The following PALM2AKAP2 variants were observed in gnomAD, a reference collection of about 807,000 sequenced individuals.
PALM2AKAP2 encodes the protein PALM2 and AKAP2 fusion.
A neutral mutation model predicts 71.5 loss-of-function variants in PALM2AKAP2; 37 were observed. That is an observed-to-expected ratio of 0.52 (90% CI 0.40 to 0.68). PALM2AKAP2 has a LOEUF of 0.68. Among genes scored for constraint, PALM2AKAP2 ranks in the 30% least tolerant of loss-of-function variants. The pLI, the probability that PALM2AKAP2 is intolerant of heterozygous loss-of-function variation, is 0.00. For missense variants in PALM2AKAP2, 1,224 were observed against 1,191.8 expected (o/e 1.03, Z -0.40); for synonymous variants, 468 against 478.8 (o/e 0.98, Z 0.29).
intron 7 of PALM2AKAP2, among the ~76,000 whole-genome samples, chr9:110,035,334 AT>A (rs1346679231): frequency 9.0e-5 from 13 of 144,952 alleles, no homozygotes; most frequent in Non-Finnish European, 1.6e-4. Context: ...TATATGTATA[AT>A]ACATATTATA....
At chr9:109,909,643 T>C (rs546529845) in intron 3 of PALM2AKAP2, among the ~76,000 whole-genome samples, 18 of 152,202 alleles carry the variant, frequency 1.2e-4, no homozygotes, top group Admixed American at 1.0e-3. Context: ...TGGGATAAAG[T>C]TGGTGGTAGA....
intron 1 of PALM2AKAP2, among the ~76,000 whole-genome samples, chr9:110,079,934 G>A (rs912750708): frequency 2.0e-5 from 3 of 151,984 alleles, no homozygotes; most frequent in Non-Finnish European, 4.4e-5. Context: ...GCTGGGCGTG[G>A]TGGCAGGATC....
At chr9:110,028,109 G>T (rs745417109) in intron 7 of PALM2AKAP2, among the ~76,000 whole-genome samples, 1 of 151,988 alleles carries the variant, frequency 6.6e-6, no homozygotes, top group Non-Finnish European at 1.5e-5. Flanking sequence ...GTACTATATG[G>T]GTCAGTTTTT....
chr9:109,974,462 A>C (rs66535625), intron 6 of PALM2AKAP2, among the ~76,000 whole-genome samples: 34,959 of 151,490 alleles, frequency 0.23, 4,941 homozygotes, highest in East Asian at 0.7. Context: ...GAAAAAAAAA[A>C]CCCAAAGACC....
chr9:109,957,799 C>G (rs1831776827), intron 6 of PALM2AKAP2, among the ~76,000 whole-genome samples: 1 of 152,164 alleles, frequency 6.6e-6, no homozygotes, highest in Admixed American at 6.5e-5. Context: ...TAGGGTGAAG[C>G]CTGGCACATT....
intron 1 of PALM2AKAP2, among the ~76,000 whole-genome samples, chr9:109,774,807 C>A (rs144477289): frequency 1.1e-3 from 166 of 152,278 alleles, no homozygotes; most frequent in African/African-American, 3.8e-3. Flanking sequence ...CAATCACAAG[C>A]CTTTTACATC....
At chr9:109,643,167 A>G (rs1827097531) in intron 1 of PALM2AKAP2, among the ~76,000 whole-genome samples, 1 of 152,228 alleles carries the variant, frequency 6.6e-6, no homozygotes, top group Admixed American at 6.5e-5. Flanking sequence ...TGAGAGTAAC[A>G]TAATTCCCAA....
At chr9:110,019,259 A>AG (rs1191163319) in intron 7 of PALM2AKAP2, among the ~76,000 whole-genome samples, 1 of 150,788 alleles carries the variant, frequency 6.6e-6, no homozygotes, top group Non-Finnish European at 1.5e-5. Flanking sequence ...AAAAAAAAAA[A>AG]AGAGAGATAC....
At chr9:109,863,739 C>A (rs1829373351) in intron 1 of PALM2AKAP2, among the ~76,000 whole-genome samples, 1 of 150,024 alleles carries the variant, frequency 6.7e-6, no homozygotes, top group African/African-American at 2.4e-5. Context: ...ATATCTAATT[C>A]TGAGCGTAGG....
chr9:109,929,786 C>G (rs1831049506), intron 5 of PALM2AKAP2, among the ~76,000 whole-genome samples: 2 of 148,430 alleles, frequency 1.3e-5, no homozygotes, highest in Non-Finnish European at 3.0e-5. Context: ...ATGGCGTGAA[C>G]CTGGGAGGCA....
intron 6 of PALM2AKAP2, chr9:109,942,975 C>T: frequency 6.2e-7 from 1 of 1,614,118 alleles, no homozygotes; most frequent in Non-Finnish European, 8.5e-7. Flanking sequence ...GGAGCCTCAG[C>T]CATCCCAAGG....
At chr9:109,930,085 T>C (rs1327862358) in intron 5 of PALM2AKAP2, among the ~76,000 whole-genome samples, 1 of 152,026 alleles carries the variant, frequency 6.6e-6, no homozygotes, top group East Asian at 1.9e-4. Flanking sequence ...CCTTCAACCA[T>C]GTCTGCCTTA....
chr9:110,009,953 C>T (rs534093971), intron 6 of PALM2AKAP2, among the ~76,000 whole-genome samples: 1 of 152,302 alleles, frequency 6.6e-6, no homozygotes, highest in East Asian at 1.9e-4. Context: ...TGTAAGTCAA[C>T]AGAGCACGCC....
At chr9:109,996,596 G>C (rs116787245) in intron 6 of PALM2AKAP2, among the ~76,000 whole-genome samples, 1 of 152,218 alleles carries the variant, frequency 6.6e-6, no homozygotes, top group African/African-American at 2.4e-5. Context: ...TTCATATACA[G>C]AAGGATGTTT....
chr9:109,707,261 A>G (rs1828158920), intron 1 of PALM2AKAP2, among the ~76,000 whole-genome samples: 1 of 151,786 alleles, frequency 6.6e-6, no homozygotes, highest in Non-Finnish European at 1.5e-5. Flanking sequence ...CCAAGTTTAG[A>G]GAACTGCCCC....
chr9:109,652,528 T>C (rs549966450), intron 1 of PALM2AKAP2, among the ~76,000 whole-genome samples: 54 of 152,318 alleles, frequency 3.5e-4, no homozygotes, highest in African/African-American at 1.3e-3. Flanking sequence ...CTGTTTTCCT[T>C]ATAAATTACC....
chr9:110,162,895 G>A (rs2119260428), intron 3 of PALM2AKAP2, among the ~76,000 whole-genome samples: 3 of 151,860 alleles, frequency 2.0e-5, no homozygotes, highest in Middle Eastern at 6.8e-3. Flanking sequence ...TTTTTTTGTA[G>A]GGACGGGGGT....
At chr9:110,127,415 G>A (rs1835632643) in intron 1 of PALM2AKAP2, among the ~76,000 whole-genome samples, 1 of 152,128 alleles carries the variant, frequency 6.6e-6, no homozygotes, top group Non-Finnish European at 1.5e-5. Flanking sequence ...TTTAGGGAGT[G>A]GCTTAGTTCC....
At chr9:109,758,954 T>C (rs1463069317) in intron 1 of PALM2AKAP2, among the ~76,000 whole-genome samples, 1 of 152,218 alleles carries the variant, frequency 6.6e-6, no homozygotes, top group East Asian at 1.9e-4. Flanking sequence ...TGTTTAAGCA[T>C]CTTTTCTTGT....
Sources: gnomAD v4.1 joint callset for allele counts (sites outside exome capture counted in the v4.1 genomes callset) on GRCh38, gnomAD v4.1.1 for gene constraint, MANE v1.5 for transcripts, NCBI Gene and HGNC (gene_info 2026-07-23, HGNC 2026-07-21) for gene names.